DPP10: variants seen among roughly 807,000 people sequenced by gnomAD.
The protein encoded by DPP10 is dipeptidyl peptidase like 10.
Under a neutral mutation model 120.9 loss-of-function variants are expected in DPP10, and 33 were observed. The observed-to-expected ratio is 0.27, with a 90% CI of 0.21 to 0.37. The LOEUF is 0.37. Among genes scored for constraint, DPP10 ranks in the 10% least tolerant of loss-of-function variants. DPP10 has a pLI of 1.00. For missense variants in DPP10, 816 were observed against 942.8 expected (o/e 0.87, Z 1.76); for synonymous variants, 337 against 326.1 (o/e 1.03, Z -0.36).
chr2:114,732,309 G>A (rs1676998911), intron 1 of DPP10, among the ~76,000 whole-genome samples: 1 of 152,158 alleles, frequency 6.6e-6, no homozygotes, highest in Non-Finnish European at 1.5e-5. Context: ...TGCAAAGAGG[G>A]GAGAAGTTGT....
intron 1 of DPP10, among the ~76,000 whole-genome samples, chr2:114,602,448 A>G (rs1413120088): frequency 6.6e-6 from 1 of 151,928 alleles, no homozygotes; most frequent in African/African-American, 2.4e-5. Context: ...TTTGGACACA[A>G]TCACTACCAT....
intron 3 of DPP10, among the ~76,000 whole-genome samples, chr2:115,477,277 A>T (rs2105233701): frequency 6.6e-6 from 1 of 152,312 alleles, no homozygotes; most frequent in South Asian, 2.1e-4. Flanking sequence ...ATTTCCAAAA[A>T]GTTTGTTAGA....
chr2:115,374,251 C>T (rs1489739508), intron 3 of DPP10, among the ~76,000 whole-genome samples: 1 of 152,180 alleles, frequency 6.6e-6, no homozygotes. Flanking sequence ...TTCTAAGATA[C>T]AATGGAGGTA....
At chr2:115,205,744 G>A (rs1331261869) in intron 1 of DPP10, among the ~76,000 whole-genome samples, 2 of 152,130 alleles carry the variant, frequency 1.3e-5, no homozygotes, top group South Asian at 4.2e-4. Context: ...GGATGCAGTT[G>A]GAGGCCATTA....
At chr2:115,620,280 T>C (rs1048336522) in intron 5 of DPP10, among the ~76,000 whole-genome samples, 18 of 152,222 alleles carry the variant, frequency 1.2e-4, no homozygotes, top group African/African-American at 4.3e-4. Flanking sequence ...AAAAGAATGA[T>C]CTGTTATGAG....
intron 1 of DPP10, among the ~76,000 whole-genome samples, chr2:114,676,409 T>A (rs1363444102): frequency 6.6e-6 from 1 of 152,194 alleles, no homozygotes; most frequent in African/African-American, 2.4e-5. Context: ...GCATATCAAT[T>A]GTATCTGTTT....
chr2:114,899,064 GT>G lies in DPP10; in HGVS notation c.61-410165del, dbSNP rs541543354. Among the ~76,000 whole-genome samples, 1,448 of 148,372 alleles carry G rather than the reference GT, an allele frequency of 9.8e-3. 21 individuals are homozygous for G. The highest frequency in any genetic ancestry group is 0.033 in the African/African-American group (1,329 of 40,640). On this transcript the variant is annotated intron_variant, in intron 1 of 25. Transcript: ENST00000410059. ...GCATATTAACTATGTAGATGAATATGTTTTTTTTTTCTTTCCAAGTATCTGT... is the reference window on the plus strand; with the variant it reads ...GCATATTAACTATGTAGATGAATATGTTTTTTTTTCTTTCCAAGTATCTGT...
At chr2:115,306,966 G>C (rs1466934332) in intron 1 of DPP10, among the ~76,000 whole-genome samples, 2 of 151,944 alleles carry the variant, frequency 1.3e-5, no homozygotes, top group Non-Finnish European at 2.9e-5. Context: ...TAATGTACTT[G>C]TTCTAGAAAT....
chr2:114,894,250 G>A (rs770677714), intron 1 of DPP10, among the ~76,000 whole-genome samples: 6 of 152,182 alleles, frequency 3.9e-5, no homozygotes, highest in African/African-American at 1.2e-4. Flanking sequence ...CAAACCAGAA[G>A]TTCCAATTTA....
At chr2:115,673,592 A>T (rs2090065204) in intron 5 of DPP10, among the ~76,000 whole-genome samples, 1 of 152,174 alleles carries the variant, frequency 6.6e-6, no homozygotes, top group South Asian at 2.1e-4. Context: ...ACTAGTTGTT[A>T]AATATCTCCT....
intron 1 of DPP10, among the ~76,000 whole-genome samples, chr2:115,175,442 T>C (rs1379576486): frequency 3.9e-5 from 6 of 152,152 alleles, no homozygotes; most frequent in Non-Finnish European, 7.4e-5. Flanking sequence ...ATGAATGGGA[T>C]TGGGAACCTC....
At chr2:114,708,436 AG>A (rs929143651) in intron 1 of DPP10, among the ~76,000 whole-genome samples, 6 of 152,296 alleles carry the variant, frequency 3.9e-5, no homozygotes, top group East Asian at 1.9e-4. Flanking sequence ...CTACAGCAGA[AG>A]GGGGAAGAAC....
chr2:115,002,764 T>A (rs1218407934), intron 1 of DPP10, among the ~76,000 whole-genome samples: 1 of 152,150 alleles, frequency 6.6e-6, no homozygotes, highest in Non-Finnish European at 1.5e-5. Context: ...TAAAAAATAC[T>A]CAATATCACT....
At position 114,889,330 on chromosome 2, in the gene DPP10, A is replaced by G. The variant is rs368425795; in HGVS notation, c.61-419909A>G. On this transcript the variant is annotated intron_variant, in intron 1 of 25. Transcript: ENST00000410059. ...ATTATCTTATTCCAAAATTTGCTCA[A>G]TATCTGAAAGGTAATCTTCAGATTC... Among the ~76,000 whole-genome samples the G allele has an allele frequency of 1.2e-3, 187 of 152,306 alleles. 1 individual carries two copies. The highest frequency in any genetic ancestry group is 2.2e-3 in the Non-Finnish European group (148 of 68,028).
intron 1 of DPP10, among the ~76,000 whole-genome samples, chr2:114,760,396 T>C (rs1393241481): frequency 6.6e-6 from 1 of 152,156 alleles, no homozygotes; most frequent in Non-Finnish European, 1.5e-5. Flanking sequence ...TGTGGTACCA[T>C]GCAGACTCCA....
chr2:114,675,621 G>A (rs1472708715), intron 1 of DPP10, among the ~76,000 whole-genome samples: 1 of 152,074 alleles, frequency 6.6e-6, no homozygotes, highest in Non-Finnish European at 1.5e-5. Flanking sequence ...AAGAACAATG[G>A]TTCCCAGTAT....
At chr2:115,538,968 T>A (rs928375468) in intron 5 of DPP10, among the ~76,000 whole-genome samples, 36 of 151,988 alleles carry the variant, frequency 2.4e-4, no homozygotes, top group Non-Finnish European at 1.3e-4. Context: ...TAAAATATAT[T>A]AGTAATTGAT....
At chr2:115,323,507 A>G (rs2062174482) in intron 2 of DPP10, among the ~76,000 whole-genome samples, 1 of 152,166 alleles carries the variant, frequency 6.6e-6, no homozygotes, top group African/African-American at 2.4e-5. Flanking sequence ...ATAAATCACA[A>G]ATGTTCTTAA....
intron 4 of DPP10, among the ~76,000 whole-genome samples, chr2:115,507,877 T>C (rs1199153170): frequency 6.6e-6 from 1 of 152,140 alleles, no homozygotes; most frequent in African/African-American, 2.4e-5. Context: ...GTGAACTATG[T>C]ACAGGGATGC....
Sources: allele counts gnomAD v4.1 joint callset (sites outside exome capture counted in the v4.1 genomes callset), GRCh38; gene constraint gnomAD v4.1.1; transcripts MANE v1.5; gene names NCBI Gene and HGNC (gene_info 2026-07-23, HGNC 2026-07-21).